The following CILK1 variants were observed in gnomAD, a reference collection of about 807,000 sequenced individuals.
CILK1 encodes ciliogenesis associated kinase 1, also known as serine/threonine-protein kinase ICK.
CILK1 carries 47 observed loss-of-function variants against 79.2 expected under a neutral mutation model. That is an observed-to-expected ratio of 0.59 (90% CI 0.47 to 0.76). The LOEUF is 0.76. CILK1 is among the 30% of genes least tolerant of loss of function. CILK1 has a pLI of 0.00. For synonymous variants in CILK1, 266 were observed against 275.9 expected, an observed-to-expected ratio of 0.96 and a Z score of 0.36; for missense variants, 660 against 769.5, an observed-to-expected ratio of 0.86 and a Z score of 1.68.
At chr6:53,017,037 G>T (rs560511211) in intron 7 of CILK1, among the ~76,000 whole-genome samples, 143 of 152,306 alleles carry the variant, frequency 9.4e-4, no homozygotes, top group Admixed American at 1.6e-3. Context: ...GAGTATTACT[G>T]TTCTTAAAAG....
At chr6:53,037,614 T>G (rs926390383) in intron 3 of CILK1, among the ~76,000 whole-genome samples, 5 of 152,196 alleles carry the variant, frequency 3.3e-5, no homozygotes, top group Admixed American at 6.5e-5. Flanking sequence ...ACTGCTATTA[T>G]GTCTAGGAAA....
intron 4 of CILK1, 41 bp downstream of exon 4, chr6:53,032,492 C>G (rs1405480524): frequency 3.6e-6 from 5 of 1,403,858 alleles, no homozygotes; most frequent in Non-Finnish European, 3.8e-6. Flanking sequence ...TCTGCTTTGC[C>G]TATTTATTTC....
rs547152396 is a variant in CILK1, at chr6:53,003,891, G to A, written c.*1258C>T. On this transcript the variant is annotated 3_prime_UTR_variant, in exon 14 of 14. Coordinates refer to ENST00000676107, the MANE Select transcript of CILK1 (RefSeq NM_014920.5). ...CCTCTTGCCTTTAAGGCAACCATAA[G>A]TGAGGCAAATGTACCATATAGAGAT... 2.0e-5 allele frequency: 3 copies of A among 152,736 alleles called. No homozygotes were observed. The highest frequency in any genetic ancestry group is 7.2e-5 in the African/African-American group (3 of 41,556). 9.5% of individuals were successfully genotyped at this position (152,736 alleles called of 1,614,324 possible). A position where few individuals can be genotyped will look rare whatever the true frequency, so the allele number is the denominator to read the frequency against.
At position 53,008,967 on chromosome 6, in the gene CILK1, C is replaced by T. The variant is rs190564626; in HGVS notation, c.1621+472G>A. ...TTGGGACTCAGTAAATTCATTCATC[C>T]GTTTAACAAAAAAAGTGGGGAGGGT... On this transcript the variant is annotated intron_variant, in intron 12 of 13. Transcript: ENST00000676107. Among the ~76,000 whole-genome samples, 8 of 152,086 alleles carry T rather than the reference C, an allele frequency of 5.3e-5. No individual in the cohort carries two copies. In the East Asian group the frequency reaches 1.6e-3, roughly 29 times the overall value.
At position 53,018,066 on chromosome 6, in the gene CILK1, T is replaced by C. The variant is rs373273480; in HGVS notation, c.663+264A>G. Among the ~76,000 whole-genome samples, 4 of 152,166 alleles carry C rather than the reference T, an allele frequency of 2.6e-5. No individual in the cohort carries two copies. In the South Asian group the frequency reaches 6.2e-4, roughly 24 times the overall value. On this transcript the variant is annotated intron_variant, in intron 7 of 13. Coordinates refer to ENST00000676107, the MANE Select transcript of CILK1 (RefSeq NM_014920.5). ...TGAACAGGCGTAGGAGTTGTAGCAA[T>C]GAGAACTGAGAAGTTCTGCAAGGGA...
chr6:53,009,547 T>C lies in CILK1; in HGVS notation c.1513A>G (p.Ile505Val), dbSNP rs1764436405. 1.9e-6 allele frequency: 3 copies of C among 1,610,252 alleles called. No homozygotes were observed. Among genetic ancestry groups the C allele is most frequent in the Non-Finnish European group, 2.6e-6 (3 of 1,176,390 alleles). ...AATTCCTTGCCTGGATTCGAGAGTA[T>C]GCCATTTCTTATACTGATCCCTGAT... ...YLPGISIRNG[I>V]LSNPGKEFIP... Residue 505 changes from isoleucine (I) to valine (V), a missense_variant, in exon 12 of 14, where the codon ATA becomes GTA. Transcript: ENST00000676107.
intron 1 of CILK1, among the ~76,000 whole-genome samples, chr6:53,050,048 G>C (rs1767367481): frequency 6.6e-6 from 1 of 152,036 alleles, no homozygotes; most frequent in Non-Finnish European, 1.5e-5. Flanking sequence ...AGGAAAAAAG[G>C]TTTCAGCACT....
chr6:53,057,469 C>G (rs1174783426), intron 1 of CILK1, among the ~76,000 whole-genome samples: 2 of 152,148 alleles, frequency 1.3e-5, no homozygotes, highest in African/African-American at 4.8e-5. Context: ...CAATCATCTG[C>G]TAGGAACTAC....
At chr6:53,042,385 G>A (rs948620254) in intron 1 of CILK1, among the ~76,000 whole-genome samples, 7 of 152,176 alleles carry the variant, frequency 4.6e-5, no homozygotes, top group African/African-American at 1.4e-4. Flanking sequence ...TAAATATACT[G>A]TGTTCTATAC....
At chr6:53,017,284 T>C (rs977047329) in intron 7 of CILK1, among the ~76,000 whole-genome samples, 1 of 152,192 alleles carries the variant, frequency 6.6e-6, no homozygotes, top group Non-Finnish European at 1.5e-5. Context: ...CAAATCCTTG[T>C]CCTGAGTGAG....
Position 53,011,775 on chromosome 6 carries a change from A to T in CILK1, c.1486T>A (p.Leu496Met). 6.2e-7 allele frequency: 1 copy of T among 1,613,990 alleles called. No individual in the cohort carries two copies. The highest frequency in any genetic ancestry group is 8.5e-7 in the Non-Finnish European group (1 of 1,179,852). Residue 496 changes from leucine (L) to methionine (M), a missense_variant, in exon 11 of 14, where the codon TTG (leucine) becomes ATG (methionine). Transcript: ENST00000676107. ...KQHYLKHSRY[L>M]PGISIRNGIL... is the part of the protein sequence containing the mutation. ...GCCAAGTCATTTATATTACCAGGCA[A>T]GTATCGAGAGTGCTTCAAATAGTGC...
chr6:53,008,803 C>T (rs1764390595), intron 12 of CILK1, among the ~76,000 whole-genome samples: 1 of 152,080 alleles, frequency 6.6e-6, no homozygotes, highest in Non-Finnish European at 1.5e-5. Flanking sequence ...TTTTATTTTC[C>T]TTAAATTAAA....
At chr6:53,061,495 C>T (rs1768453320) in intron 1 of CILK1, 101 bp downstream of exon 1, 1 of 152,390 alleles carries the variant, frequency 6.6e-6, no homozygotes, top group Admixed American at 6.5e-5. Context: ...TCCGATCCGT[C>T]GCGGGGCCAC....
rs558448940 is a variant in CILK1 at position 53,026,660 on chromosome 6, T to A, written c.358+4405A>T. On this transcript the variant is annotated intron_variant, in intron 5 of 13. Coordinates refer to ENST00000676107, the MANE Select transcript of CILK1 (RefSeq NM_014920.5). ...ATAAAACTCTGATTCGTAGCAGGGT[T>A]CCAGTTCTGCTGGTGTGTGCAATGT... is the stretch of plus-strand genomic sequence containing the variant. Among the ~76,000 whole-genome samples the A allele has an allele frequency of 6.6e-5, 10 of 152,320 alleles. No individual in the cohort carries two copies. The South Asian group carries it at 2.1e-3, about 32-fold the overall frequency.
At position 53,016,222 on chromosome 6, in the gene CILK1, G is replaced by A; in HGVS notation, c.692C>T (p.Ser231Leu). The change falls in exon 8 of 14, where the codon TCA becomes TTA. Residue 231 changes from serine (S) to leucine (L), a missense_variant. By Grantham distance (145) the Ser-to-Leu change is moderately radical. Coordinates refer to ENST00000676107, the MANE Select transcript of CILK1 (RefSeq NM_014920.5). ...TGGCCAACGGAAGTTCATTGCACTT[G>A]AAAGTTGATAGCCTTCAGGCCAGTC... ...KTDWPEGYQL[S>L]SAMNFRWPQC... 6.2e-7 allele frequency: 1 copy of A among 1,614,078 alleles called. No individual in the cohort carries two copies. The highest frequency in any genetic ancestry group is 8.5e-7 in the Non-Finnish European group (1 of 1,179,942).
At chr6:53,028,199 C>T (rs1027673080) in intron 5 of CILK1, among the ~76,000 whole-genome samples, 3 of 151,742 alleles carry the variant, frequency 2.0e-5, no homozygotes, top group African/African-American at 7.3e-5. Context: ...ACCTGTAGTC[C>T]CAGCTACTCA....
intron 7 of CILK1, among the ~76,000 whole-genome samples, chr6:53,017,322 G>A (rs910004553): frequency 3.9e-5 from 6 of 152,130 alleles, no homozygotes; most frequent in African/African-American, 1.2e-4. Context: ...AACTATGTAC[G>A]CAAATAATAA....
At position 53,007,775 on chromosome 6, in the gene CILK1, C is replaced by CAA. The variant is rs563172663; in HGVS notation, c.1622-1340_1622-1339dup. 1.3e-3 allele frequency among the ~76,000 whole-genome samples: 173 copies of CAA among 130,356 alleles called. 1 individual carries two copies. The highest frequency in any genetic ancestry group is 2.8e-3 in the African/African-American group (100 of 35,730). 85.5% of individuals were successfully genotyped at this position (130,356 alleles called of 152,430 possible). A position where few individuals can be genotyped will look rare whatever the true frequency, so the allele number is the denominator to read the frequency against. On this transcript the variant is annotated intron_variant, in intron 12 of 13. Coordinates refer to ENST00000676107, the MANE Select transcript of CILK1 (RefSeq NM_014920.5). ...TGAAACCCTGTTTCTACTAAAAATA[C>CAA]AAAAAAAAAAAAAAATTAGCTGGGT...
intron 2 of CILK1, 100 bp from the exon 3 acceptor site, chr6:53,038,093 C>T: frequency 6.3e-6 from 5 of 787,926 alleles, no homozygotes; most frequent in South Asian, 4.4e-5. Context: ...ATTAACAGTA[C>T]TTAAAGTGGG....
Sources: gnomAD v4.1 joint callset for allele counts (sites outside exome capture counted in the v4.1 genomes callset) on GRCh38, gnomAD v4.1.1 for gene constraint, MANE v1.5 for transcripts, NCBI Gene and HGNC (gene_info 2026-07-23, HGNC 2026-07-21) for gene names.